Variants in PCDH15 observed in about 807,000 individuals in gnomAD.
PCDH15 encodes the protein protocadherin related 15, also known as protocadherin-15.
A neutral mutation model predicts 178.5 loss-of-function variants in PCDH15; 129 were observed. That is an observed-to-expected ratio of 0.72 (90% CI 0.63 to 0.84). PCDH15 has a LOEUF of 0.84. Among genes scored for constraint, PCDH15 ranks in the 40% least tolerant of loss-of-function variants. The pLI is 0.00. For missense variants in PCDH15, 2,230 were observed against 2,099.9 expected (o/e 1.06, Z -1.21); for synonymous variants, 800 against 732.0 (o/e 1.09, Z -1.50).
intron 1 of PCDH15, among the ~76,000 whole-genome samples, chr10:55,298,885 C>T (rs114067854): frequency 2.0e-5 from 3 of 152,012 alleles, no homozygotes; most frequent in South Asian, 2.1e-4. Context: ...GCGATAGTGT[C>T]GACTTTTATT....
In PCDH15 at chr10:54,133,985, G is replaced by T. The variant is rs139888530; in HGVS notation, c.1785-978C>A. 5.5e-4 allele frequency among the ~76,000 whole-genome samples: 75 copies of T among 135,616 alleles called. 14 individuals carry two copies. The highest frequency in any genetic ancestry group is 1.9e-3 in the South Asian group (7 of 3,756). The allele number at this position is 135,616 out of a possible 152,430, so 89.0% of individuals were successfully genotyped here. A position where few individuals can be genotyped will look rare whatever the true frequency, so the allele number is the denominator to read the frequency against. ...TATGCTTTGAATTTAACAAAGTCAT[G>T]ATTTAGTTCAAAACACATTTGTTAT... On this transcript the variant is annotated intron_variant, in intron 14 of 37. Transcript: ENST00000644397.
At chr10:55,540,516 A>G (rs1270192287) in intron 2 of PCDH15, among the ~76,000 whole-genome samples, 2 of 152,102 alleles carry the variant, frequency 1.3e-5, no homozygotes, top group Non-Finnish European at 2.9e-5. Flanking sequence ...ATGAAAAAAC[A>G]AACCTTCACC....
chr10:54,317,381 G>C lies in PCDH15; in HGVS notation c.766C>G (p.Leu256Val), dbSNP rs746449971. Residue 256 changes from leucine (L) to valine (V), a missense_variant, in exon 8 of 38, where the codon CTG becomes GTG. By Grantham distance (32) the Leu-to-Val change is conservative (BLOSUM62 1). Coordinates refer to ENST00000644397, the MANE Select transcript of PCDH15 (RefSeq NM_001384140.1). Reference sequence around the variant, plus strand: ...ATTGGACCCAAGTCATCTCCATCCAGAACATCCACTGTGAGAGTGGTGGTG... The same window carrying C: ...ATTGGACCCAAGTCATCTCCATCCACAACATCCACTGTGAGAGTGGTGGTG... ...TTTTTLTVDV[L>V]DGDDLGPMFL... 1.9e-6 allele frequency: 3 copies of C among 1,613,878 alleles called. No homozygotes were observed. The African/African-American group carries it at 4.0e-5, about 22-fold the overall frequency.
At chr10:55,462,782 G>T (rs569796348) in intron 2 of PCDH15, among the ~76,000 whole-genome samples, 6 of 152,124 alleles carry the variant, frequency 3.9e-5, no homozygotes, top group Non-Finnish European at 7.4e-5. Flanking sequence ...AGCCTTGAAG[G>T]TTGCTGAGTT....
At chr10:55,209,508 G>A (rs985283207) in intron 1 of PCDH15, among the ~76,000 whole-genome samples, 1 of 151,944 alleles carries the variant, frequency 6.6e-6, no homozygotes, top group African/African-American at 2.4e-5. Flanking sequence ...ATGAGGACGT[G>A]AGGAAAAGTG....
intron 2 of PCDH15, among the ~76,000 whole-genome samples, chr10:55,440,619 A>C (rs1467318224): frequency 1.3e-5 from 2 of 152,170 alleles, no homozygotes; most frequent in African/African-American, 4.8e-5. Flanking sequence ...GGGGAAATAA[A>C]TAATTGGTAC....
intron 1 of PCDH15, among the ~76,000 whole-genome samples, chr10:54,706,968 G>C (rs2095371285): frequency 6.6e-6 from 1 of 152,136 alleles, no homozygotes; most frequent in South Asian, 2.1e-4. Flanking sequence ...AGGAAATCCT[G>C]TTGAGAACAT....
chr10:54,546,111 C>T (rs1226921717), intron 2 of PCDH15, among the ~76,000 whole-genome samples: 3 of 152,150 alleles, frequency 2.0e-5, no homozygotes, highest in Admixed American at 6.5e-5. Context: ...AGTTCAGATT[C>T]GTGGTTAGGT....
At chr10:54,314,671 C>A (rs762753080) in intron 8 of PCDH15, among the ~76,000 whole-genome samples, 1 of 152,028 alleles carries the variant, frequency 6.6e-6, no homozygotes, top group Non-Finnish European at 1.5e-5. Flanking sequence ...ATCTTTTCTG[C>A]TCCTCTGTCT....
At chr10:54,062,260 C>CAAAA (rs1449179864) in intron 18 of PCDH15, among the ~76,000 whole-genome samples, 3 of 74,402 alleles carry the variant, frequency 4.0e-5, no homozygotes, top group East Asian at 8.1e-4. Flanking sequence ...AAACAAAAAA[C>CAAAA]AACTAAATGA....
chr10:54,250,352 G>A lies in PCDH15; in HGVS notation c.877-13421C>T, dbSNP rs375618959. Among the ~76,000 whole-genome samples the A allele has an allele frequency of 5.0e-5, 7 of 140,120 alleles. No individual in the cohort carries two copies. In the East Asian group the frequency reaches 1.0e-3, roughly 21 times the overall value. 91.9% of individuals were successfully genotyped at this position (140,120 alleles called of 152,430 possible). A position where few individuals can be genotyped will look rare whatever the true frequency, so the allele number is the denominator to read the frequency against. ...GGCTAGAGGGCAGTGGCGCAATCTC[G>A]GCTCACTGCAAGCTCTGCCTCCCGG... is the stretch of plus-strand genomic sequence containing the variant. On this transcript the variant is annotated intron_variant, in intron 8 of 37. Coordinates refer to ENST00000644397, the MANE Select transcript of PCDH15 (RefSeq NM_001384140.1).
At chr10:54,551,154 C>CAAAAAAAAAA (rs57337778) in intron 2 of PCDH15, among the ~76,000 whole-genome samples, 4 of 52,418 alleles carry the variant, frequency 7.6e-5, no homozygotes, top group Non-Finnish European at 1.1e-4. Context: ...GACTCTGTCT[C>CAAAAAAAAAA]AAAAAAAAAA....
intron 10 of PCDH15, among the ~76,000 whole-genome samples, chr10:54,206,994 A>T (rs1400250752): frequency 1.3e-5 from 2 of 152,076 alleles, no homozygotes; most frequent in African/African-American, 4.8e-5. Context: ...GCAGACAAGA[A>T]GGCCTTGGCA....
intron 2 of PCDH15, among the ~76,000 whole-genome samples, chr10:55,432,866 C>T (rs1032268718): frequency 1.3e-5 from 2 of 151,622 alleles, no homozygotes; most frequent in Non-Finnish European, 2.9e-5. Context: ...CCTCGTGATC[C>T]GCCCGCCTCG....
chr10:54,564,036 G>A (rs2088624659), intron 2 of PCDH15, among the ~76,000 whole-genome samples: 2 of 152,106 alleles, frequency 1.3e-5, no homozygotes, highest in African/African-American at 4.8e-5. Context: ...GGAGAGGCAA[G>A]GCTGTTGCCT....
chr10:55,068,920 CAG>C (rs956999286), intron 2 of PCDH15, among the ~76,000 whole-genome samples: 2 of 151,924 alleles, frequency 1.3e-5, no homozygotes, highest in Non-Finnish European at 2.9e-5. Flanking sequence ...ATTTTTGAGA[CAG>C]AGTCTCACTC....
rs548999940 is a variant in PCDH15, at chr10:54,183,178, T to C, written c.1590+266A>G. Among the ~76,000 whole-genome samples the C allele has an allele frequency of 9.2e-5, 14 of 152,220 alleles. No individual in the cohort carries two copies. In the Middle Eastern group the frequency reaches 0.01, roughly 111 times the overall value. ...GTATTTTTAGTAGAGACAGCGTTGG[T>C]CAGGCTGGTCTCGAACTCCCGACCT... is the stretch of plus-strand genomic sequence containing the variant. On this transcript the variant is annotated intron_variant, in intron 13 of 37. Transcript: ENST00000644397.
At chr10:54,933,467 A>G (rs1425826859) in intron 2 of PCDH15, among the ~76,000 whole-genome samples, 3 of 152,032 alleles carry the variant, frequency 2.0e-5, no homozygotes, top group Non-Finnish European at 4.4e-5. Context: ...GATTAGAAAG[A>G]TTCAAGTTCA....
At chr10:54,229,525 A>C (rs7915552) in intron 9 of PCDH15, among the ~76,000 whole-genome samples, 8,314 of 152,148 alleles carry the variant, frequency 0.055, 562 homozygotes, top group African/African-American at 0.17. Flanking sequence ...ACAGTTTCTG[A>C]ATCTCATGGG....
Sources: gnomAD v4.1 joint callset for allele counts (sites outside exome capture counted in the v4.1 genomes callset) on GRCh38, gnomAD v4.1.1 for gene constraint, MANE v1.5 for transcripts, NCBI Gene and HGNC (gene_info 2026-07-23, HGNC 2026-07-21) for gene names.